CNTNAP2: variants seen among roughly 807,000 people sequenced by gnomAD.
The protein encoded by CNTNAP2 is contactin-associated protein-like 2.
A neutral mutation model predicts 155.2 loss-of-function variants in CNTNAP2; 98 were observed. The ratio of observed to expected loss-of-function variants is 0.63; its 90% CI spans 0.54 to 0.75. The LOEUF (loss-of-function observed/expected upper bound fraction) is 0.75. Ranked by LOEUF, CNTNAP2 falls within the 30% of genes least tolerant of loss-of-function variation. The pLI is 0.00. For synonymous variants in CNTNAP2, 651 were observed against 631.2 expected (o/e 1.03, Z -0.47); for missense variants, 1,727 against 1,688.1 (o/e 1.02, Z -0.40).
chr7:148,383,899 C>T lies in CNTNAP2; in HGVS notation c.3715+11C>T. 1 of 1,611,660 alleles carries T rather than the reference C, an allele frequency of 6.2e-7. No homozygotes were observed. The highest frequency in any genetic ancestry group is 8.5e-7 in the Non-Finnish European group (1 of 1,179,178). ...ATCACCTGGATTCAGGTAAAGTCTTCAGCAACCTCAGGCAGGTTGCTTCAT... is the reference window on the plus strand; with the variant it reads ...ATCACCTGGATTCAGGTAAAGTCTTTAGCAACCTCAGGCAGGTTGCTTCAT... On this transcript the variant is annotated intron_variant, in intron 22 of 23. Transcript: ENST00000361727.
chr7:147,273,210 TAC>T (rs368180227), intron 8 of CNTNAP2, among the ~76,000 whole-genome samples: 30 of 152,308 alleles, frequency 2.0e-4, no homozygotes, highest in African/African-American at 6.7e-4. Context: ...CGCCGAAATT[TAC>T]AGTCTACGTT....
At chr7:146,435,519 C>A (rs945251511) in intron 1 of CNTNAP2, among the ~76,000 whole-genome samples, 4 of 152,094 alleles carry the variant, frequency 2.6e-5, no homozygotes, top group African/African-American at 9.7e-5. Flanking sequence ...ATTTTACATC[C>A]GTTAGTTATT....
chr7:148,117,853 A>G (rs558158384), intron 15 of CNTNAP2, among the ~76,000 whole-genome samples: 1 of 150,196 alleles, frequency 6.7e-6, no homozygotes, highest in African/African-American at 2.4e-5. Context: ...TAGAAATTCT[A>G]TATTAATATT....
intron 3 of CNTNAP2, among the ~76,000 whole-genome samples, chr7:146,867,870 G>A (rs1013044798): frequency 2.6e-5 from 4 of 151,192 alleles, no homozygotes; most frequent in South Asian, 2.1e-4. Context: ...TAATGGAGTC[G>A]TTTGTTTTTC....
chr7:147,236,318 T>C (rs1331548000), intron 8 of CNTNAP2, among the ~76,000 whole-genome samples: 1 of 152,228 alleles, frequency 6.6e-6, no homozygotes, highest in Non-Finnish European at 1.5e-5. Flanking sequence ...CCACTGGCTC[T>C]CTGATTTTCC....
At chr7:147,782,252 T>C (rs976152586) in intron 13 of CNTNAP2, among the ~76,000 whole-genome samples, 2 of 152,198 alleles carry the variant, frequency 1.3e-5, no homozygotes, top group East Asian at 1.9e-4. Context: ...AGGTCATTTC[T>C]AGGTTCAAAT....
At chr7:147,338,443 A>G (rs921955788) in intron 9 of CNTNAP2, among the ~76,000 whole-genome samples, 4 of 152,132 alleles carry the variant, frequency 2.6e-5, no homozygotes, top group African/African-American at 9.7e-5. Flanking sequence ...TTTTTAAACC[A>G]AATATAGAAC....
At chr7:146,935,096 C>T (rs746533412) in intron 3 of CNTNAP2, among the ~76,000 whole-genome samples, 1 of 152,174 alleles carries the variant, frequency 6.6e-6, no homozygotes, top group East Asian at 1.9e-4. Flanking sequence ...TGGAACTGTG[C>T]ACCCATTGGA....
intron 8 of CNTNAP2, among the ~76,000 whole-genome samples, chr7:147,256,296 GATGGAC>G (rs1804324961): frequency 3.3e-5 from 5 of 152,160 alleles, no homozygotes; most frequent in Admixed American, 3.3e-4. Context: ...GAGAGAGAAA[GATGGAC>G]ACTGTCTTTA....
chr7:147,773,869 C>T (rs979971709), intron 13 of CNTNAP2, among the ~76,000 whole-genome samples: 1 of 152,130 alleles, frequency 6.6e-6, no homozygotes, highest in African/African-American at 2.4e-5. Context: ...TCAACCAGAA[C>T]CTAAATGACT....
At chr7:146,347,354 C>A (rs983462742) in intron 1 of CNTNAP2, among the ~76,000 whole-genome samples, 16 of 152,084 alleles carry the variant, frequency 1.1e-4, no homozygotes, top group Non-Finnish European at 1.6e-4. Context: ...GTCCTAACTT[C>A]CCTGTTGGGA....
At chr7:147,948,628 T>TAC (rs71183039) in intron 14 of CNTNAP2, among the ~76,000 whole-genome samples, 21,739 of 148,260 alleles carry the variant, frequency 0.15, 1,710 homozygotes, top group Middle Eastern at 0.25. Flanking sequence ...CATATATATT[T>TAC]ACACACACAC....
At chr7:147,352,665 A>G (rs73473140) in intron 9 of CNTNAP2, among the ~76,000 whole-genome samples, 4,758 of 152,120 alleles carry the variant, frequency 0.031, 107 homozygotes, top group South Asian at 0.045. Flanking sequence ...TCTTAAAAAC[A>G]TGAGACCCTT....
chr7:147,850,019 C>T (rs563048938), intron 13 of CNTNAP2: 1 of 152,178 alleles, frequency 6.6e-6, no homozygotes, highest in African/African-American at 2.4e-5. Context: ...AGCCTTCAAG[C>T]ACAGCTTAAT....
chr7:148,132,111 A>G (rs1380527980), intron 16 of CNTNAP2, among the ~76,000 whole-genome samples: 2 of 152,244 alleles, frequency 1.3e-5, no homozygotes, highest in East Asian at 3.8e-4. Context: ...CCCTCAATCT[A>G]TAAAAATTTT....
chr7:147,176,505 G>A (rs1802340870), intron 8 of CNTNAP2, among the ~76,000 whole-genome samples: 1 of 150,748 alleles, frequency 6.6e-6, no homozygotes, highest in African/African-American at 2.4e-5. Flanking sequence ...AATAGAAAAT[G>A]TGTAATATGT....
At chr7:146,627,552 C>A (rs1037987696) in intron 1 of CNTNAP2, among the ~76,000 whole-genome samples, 2 of 152,008 alleles carry the variant, frequency 1.3e-5, no homozygotes, top group African/African-American at 4.8e-5. Flanking sequence ...CTTGTAATGT[C>A]TAGTTCTTCA....
intron 1 of CNTNAP2, among the ~76,000 whole-genome samples, chr7:146,128,798 A>C (rs1797673848): frequency 6.6e-6 from 1 of 152,166 alleles, no homozygotes; most frequent in Non-Finnish European, 1.5e-5. Context: ...AGCTAAAAGC[A>C]TCATACTAAG....
At chr7:147,276,262 C>CTATTGA (rs528498115) in intron 8 of CNTNAP2, among the ~76,000 whole-genome samples, 1 of 151,620 alleles carries the variant, frequency 6.6e-6, no homozygotes, top group African/African-American at 2.4e-5. Context: ...GGATCGATAC[C>CTATTGA]AGCTCATCTT....
Sources: gnomAD v4.1 joint callset for allele counts (sites outside exome capture counted in the v4.1 genomes callset) on GRCh38, gnomAD v4.1.1 for gene constraint, MANE v1.5 for transcripts, NCBI Gene and HGNC (gene_info 2026-07-23, HGNC 2026-07-21) for gene names.